ADSL: variants seen among roughly 807,000 people sequenced by gnomAD.
ADSL encodes the protein adenylosuccinase.
Under a neutral mutation model 62.1 loss-of-function variants are expected in ADSL, and 44 were observed. The observed-to-expected ratio is 0.71, with a 90% confidence interval of 0.56 to 0.91. The LOEUF (loss-of-function observed/expected upper bound fraction) is 0.91. Ranked by LOEUF, ADSL falls within the 40% of genes least tolerant of loss-of-function variation. The pLI, the probability that ADSL is intolerant of heterozygous loss-of-function variation, is 0.00. For missense variants in ADSL, 531 were observed against 627.4 expected (o/e 0.85, Z 1.64); for synonymous variants, 198 against 220.5 (o/e 0.90, Z 0.90).
chr22:40,350,763 C>T (rs528332029), intron 2 of ADSL, among the ~76,000 whole-genome samples: 41 of 152,032 alleles, frequency 2.7e-4, no homozygotes, highest in African/African-American at 8.9e-4. Context: ...GGATTCCACG[C>T]GCCTGCCACC....
At chr22:40,376,462 C>A (rs1416390251) in intron 2 of ADSL, 1 of 152,006 alleles carries the variant, frequency 6.6e-6, no homozygotes, top group African/African-American at 2.4e-5. Flanking sequence ...CCTGGCTTTA[C>A]CATTGTAAAC....
chr22:40,368,097 T>A lies in ADSL; in HGVS notation c.*1575T>A, dbSNP rs1395546382. The A allele has an allele frequency of 6.6e-6, 1 of 152,172 alleles. No homozygotes were observed. Among genetic ancestry groups the A allele is most frequent in the East Asian group, 1.9e-4 (1 of 5,192 alleles). 9.4% of individuals were successfully genotyped at this position (152,172 alleles called of 1,614,324 possible). The stretch of plus-strand genomic sequence containing the variant: ...GGAGGAATGTTAGGGCTCTTTATCC[T>A]ATACAGAAGAAAACTCCTCGGCACT... On this transcript the variant is annotated 3_prime_UTR_variant, in exon 13 of 13. Coordinates refer to ENST00000623063, the MANE Select transcript of ADSL (RefSeq NM_000026.4).
At chr22:40,354,868 C>CA (rs58428966) in intron 4 of ADSL, among the ~76,000 whole-genome samples, 170 of 69,874 alleles carry the variant, frequency 2.4e-3, no homozygotes, top group African/African-American at 2.7e-3. Flanking sequence ...GACTCCGTCT[C>CA]AAAAAAAAAA....
intron 2 of ADSL, among the ~76,000 whole-genome samples, chr22:40,382,219 C>T (rs956936288): frequency 1.3e-5 from 2 of 152,176 alleles, no homozygotes; most frequent in African/African-American, 4.8e-5. Context: ...ATTATGTTAA[C>T]AGCTACAACA....
intron 2 of ADSL, among the ~76,000 whole-genome samples, chr22:40,383,357 C>T (rs2047889891): frequency 6.6e-6 from 1 of 151,826 alleles, no homozygotes; most frequent in Non-Finnish European, 1.5e-5. Flanking sequence ...TTCCCAGCTA[C>T]TCGGGAGGCT....
intron 9 of ADSL, among the ~76,000 whole-genome samples, chr22:40,362,242 C>T (rs1316902560): frequency 6.6e-6 from 1 of 152,210 alleles, no homozygotes; most frequent in Non-Finnish European, 1.5e-5. Context: ...TGGCATTACT[C>T]TCGCCTGCTC....
At chr22:40,364,172 G>A in intron 10 of ADSL, 104 bp from the exon 11 acceptor site, 1 of 824,684 alleles carries the variant, frequency 1.2e-6, no homozygotes, top group Non-Finnish European at 2.0e-6. Context: ...TCCATAATGT[G>A]GTAGTTAGTG....
At position 40,364,975 on chromosome 22, in the gene ADSL, T is replaced by C. The variant is rs2044944722; in HGVS notation, c.1287T>C (p.Val429=). Residue 429 remains valine (V), a synonymous_variant, in exon 12 of 13, where the codon GTT becomes GTC. Transcript: ENST00000623063. The part of the protein sequence containing the change: ...GDNDLIERIQ[V]DAYFSPIHSQ... Reference sequence around the variant, plus strand: ...ATGACCTCATAGAGCGTATCCAGGTTGATGCCTACTTCAGTCCCATTCACT... The same window carrying C: ...ATGACCTCATAGAGCGTATCCAGGTCGATGCCTACTTCAGTCCCATTCACT... The C allele has an allele frequency of 1.2e-6, 2 of 1,613,994 alleles. No individual in the cohort carries two copies. Among genetic ancestry groups the C allele is most frequent in the African/African-American group, 1.3e-5 (1 of 74,912 alleles).
At chr22:40,354,009 T>G in intron 3 of ADSL, 1 of 576,082 alleles carries the variant, frequency 1.7e-6, no homozygotes, top group South Asian at 2.0e-5. Context: ...TTTGTTCTGT[T>G]TTTCTGCCGT....
chr22:40,350,163 T>G (rs2044291009), intron 2 of ADSL, 128 bp downstream of exon 2: 1 of 872,928 alleles, frequency 1.1e-6, no homozygotes, highest in South Asian at 1.6e-5. Context: ...AGAGTCTCCC[T>G]CTGTCTCCCA....
intron 2 of ADSL, chr22:40,387,108 G>T: frequency 2.5e-6 from 1 of 397,028 alleles, no homozygotes; most frequent in South Asian, 1.3e-4. Flanking sequence ...GGTATAGTGA[G>T]ACTGCTGAGG....
intron 7 of ADSL, among the ~76,000 whole-genome samples, chr22:40,360,781 G>A (rs2044753422): frequency 6.6e-6 from 1 of 150,440 alleles, no homozygotes; most frequent in South Asian, 2.1e-4. Flanking sequence ...GGAGTGCAAT[G>A]GTATGATCTC....
chr22:40,352,718 T>C (rs1448031694), intron 2 of ADSL, among the ~76,000 whole-genome samples: 2 of 152,212 alleles, frequency 1.3e-5, no homozygotes, highest in Non-Finnish European at 2.9e-5. Flanking sequence ...CAGACTGATG[T>C]TGAACTCCTG....
intron 1 of ADSL, chr22:40,347,243 T>C (rs2044178460): frequency 6.5e-6 from 1 of 155,032 alleles, no homozygotes; most frequent in African/African-American, 2.4e-5. Flanking sequence ...CGTAGCCCCT[T>C]GGTTTTCCAC....
At chr22:40,356,303 G>A (rs1015851912) in intron 4 of ADSL, among the ~76,000 whole-genome samples, 22 of 151,902 alleles carry the variant, frequency 1.4e-4, no homozygotes, top group African/African-American at 3.9e-4. Context: ...TTGGGAGGCC[G>A]AGGCAGGTGG....
At chr22:40,357,858 G>T (rs759301424) in intron 4 of ADSL, among the ~76,000 whole-genome samples, 1 of 151,808 alleles carries the variant, frequency 6.6e-6, no homozygotes, top group Admixed American at 6.6e-5. Flanking sequence ...TGCAACCTCT[G>T]CCTCTCAGGT....
chr22:40,385,635 G>C (rs976312928), intron 2 of ADSL, among the ~76,000 whole-genome samples: 1 of 152,212 alleles, frequency 6.6e-6, no homozygotes, highest in African/African-American at 2.4e-5. Context: ...CTTCGTTAAA[G>C]CTGGAGTACA....
chr22:40,372,117 C>A (rs941316184), downstream of ADSL, among the ~76,000 whole-genome samples: 16 of 119,656 alleles, frequency 1.3e-4, no homozygotes, highest in Middle Eastern at 7.8e-3. Flanking sequence ...CCCTGTCCCC[C>A]CCCCCTTTTT....
chr22:40,347,977 G>T (rs981511544), intron 1 of ADSL, among the ~76,000 whole-genome samples: 1 of 152,136 alleles, frequency 6.6e-6, no homozygotes, highest in Admixed American at 6.5e-5. Flanking sequence ...TGCCAGGGTC[G>T]CCAAAGCTAG....
Sources: allele counts gnomAD v4.1 joint callset (sites outside exome capture counted in the v4.1 genomes callset), GRCh38; gene constraint gnomAD v4.1.1; transcripts MANE v1.5; gene names NCBI Gene and HGNC (gene_info 2026-07-23, HGNC 2026-07-21).